The following MYO5B variants were observed in gnomAD, a reference collection of about 807,000 sequenced individuals.
MYO5B encodes myosin VB.
In MYO5B, 143 loss-of-function variants were observed where a neutral mutation model predicts 229.3. That is an observed-to-expected ratio of 0.62 (90% CI 0.54 to 0.72). The LOEUF is 0.72. Among genes scored for constraint, MYO5B ranks in the 30% least tolerant of loss-of-function variants. The probability of loss-of-function intolerance (pLI) is 0.00; values close to 1 mark genes in which losing one functional copy is unlikely to be tolerated. For missense variants in MYO5B, 2,321 were observed against 2,331.0 expected (o/e 1.00, Z 0.09); for synonymous variants, 918 against 885.2 (o/e 1.04, Z -0.66).
intron 1 of MYO5B, among the ~76,000 whole-genome samples, chr18:50,153,713 G>C (rs913472051): frequency 1.3e-5 from 2 of 152,202 alleles, no homozygotes; most frequent in African/African-American, 4.8e-5. Flanking sequence ...GCCTCCCAAA[G>C]TGCTGGGATT....
chr18:49,949,546 C>T (rs149370768), intron 14 of MYO5B, among the ~76,000 whole-genome samples: 1 of 152,248 alleles, frequency 6.6e-6, no homozygotes, highest in African/African-American at 2.4e-5. Flanking sequence ...TTTCACTGCT[C>T]GTAGTGGGAG....
intron 21 of MYO5B, among the ~76,000 whole-genome samples, chr18:49,897,514 G>C (rs745947564): frequency 4.6e-5 from 7 of 152,118 alleles, no homozygotes; most frequent in African/African-American, 7.2e-5. Context: ...AAAATGTTTT[G>C]ATAGATATGC....
At chr18:49,917,129 A>G (rs1280307482) in intron 17 of MYO5B, among the ~76,000 whole-genome samples, 3 of 152,184 alleles carry the variant, frequency 2.0e-5, no homozygotes, top group Admixed American at 6.5e-5. Flanking sequence ...GACAGAGAGC[A>G]TTCCACCTCG....
At chr18:49,960,377 A>G (rs1224298248) in intron 12 of MYO5B, among the ~76,000 whole-genome samples, 1 of 152,186 alleles carries the variant, frequency 6.6e-6, no homozygotes, top group Non-Finnish European at 1.5e-5. Flanking sequence ...CCCAAGGAGC[A>G]CCGCGTTGCC....
At chr18:49,990,576 T>C in intron 6 of MYO5B, 56 bp from the exon 7 acceptor site, 1 of 1,442,394 alleles carries the variant, frequency 6.9e-7, no homozygotes, top group African/African-American at 1.4e-5. Context: ...CATCGTTCCC[T>C]CTGCCACTGT....
chr18:50,155,480 C>CA (rs1380431990), intron 1 of MYO5B, among the ~76,000 whole-genome samples: 1 of 151,908 alleles, frequency 6.6e-6, no homozygotes, highest in Admixed American at 6.6e-5. Flanking sequence ...AGATAAAAAA[C>CA]AAAAAAATCT....
intron 35 of MYO5B, 151 bp downstream of exon 35, chr18:49,841,214 C>T: frequency 1.3e-6 from 1 of 774,724 alleles, no homozygotes; most frequent in Admixed American, 1.8e-5. Flanking sequence ...ATTGCTGCTT[C>T]CAGCCACGAG....
At chr18:49,960,366 T>C (rs2025545009) in intron 12 of MYO5B, among the ~76,000 whole-genome samples, 1 of 152,068 alleles carries the variant, frequency 6.6e-6, no homozygotes, top group Admixed American at 6.5e-5. Context: ...ACAGGATCCT[T>C]CCCAAGGAGC....
chr18:50,007,961 C>A (rs570920594), intron 4 of MYO5B, among the ~76,000 whole-genome samples: 1 of 152,150 alleles, frequency 6.6e-6, no homozygotes, highest in African/African-American at 2.4e-5. Context: ...TAGTGAGACA[C>A]TGAGCCCGGA....
At chr18:50,149,566 G>C (rs74843703) in intron 1 of MYO5B, among the ~76,000 whole-genome samples, 134,081 of 138,104 alleles carry the variant, frequency 0.97, 65,151 homozygotes, top group Non-Finnish European at 0.99. Flanking sequence ...ACAAACCTGA[G>C]AAAAACAAGC....
intron 1 of MYO5B, among the ~76,000 whole-genome samples, chr18:50,158,953 G>A (rs192628088): frequency 4.3e-4 from 66 of 152,228 alleles, no homozygotes; most frequent in African/African-American, 1.3e-3. Context: ...GATGTTTGCC[G>A]TTATCATTAT....
intron 21 of MYO5B, among the ~76,000 whole-genome samples, chr18:49,900,617 T>C (rs909489029): frequency 1.3e-5 from 2 of 152,206 alleles, no homozygotes; most frequent in African/African-American, 4.8e-5. Context: ...TACTGGGTCA[T>C]GAGAAGCTTT....
In MYO5B at chr18:49,963,020, A is replaced by C. The variant is rs757051892; in HGVS notation, c.1333T>G (p.Phe445Val). ...AACTGCTCAAAGCTGTTTACCTCAA[A>C]TGTCTCAAACCTACAGAATGGAAAG... ...GVLDIYGFET[F>V]EVNSFEQFCI... The change falls in exon 11 of 40, where the codon TTT becomes GTT. Residue 445 changes from phenylalanine (F) to valine (V), a missense_variant. This residue lies in a region of MYO5B where 2,113 missense variants were observed against 2,044.7 expected (regional missense o/e 1.03). Transcript: ENST00000285039. 6.2e-7 allele frequency: 1 copy of C among 1,613,882 alleles called. No individual in the cohort carries two copies. The highest frequency in any genetic ancestry group is 1.3e-5 in the African/African-American group (1 of 75,032).
chr18:50,172,151 C>G (rs1354146210), intron 1 of MYO5B, among the ~76,000 whole-genome samples: 1 of 152,104 alleles, frequency 6.6e-6, no homozygotes, highest in East Asian at 1.9e-4. Context: ...CATGGTGGCA[C>G]ACAACTGTAG....
At chr18:50,134,192 T>G (rs1039410555) in intron 1 of MYO5B, among the ~76,000 whole-genome samples, 21 of 152,106 alleles carry the variant, frequency 1.4e-4, no homozygotes, top group Non-Finnish European at 2.8e-4. Flanking sequence ...TCAAATAAAT[T>G]TGTTGTTCAA....
At chr18:49,977,476 C>T (rs2025764477) in intron 9 of MYO5B, among the ~76,000 whole-genome samples, 1 of 152,114 alleles carries the variant, frequency 6.6e-6, no homozygotes, top group Non-Finnish European at 1.5e-5. Flanking sequence ...AGGAATAAAC[C>T]ACAATCAGTG....
At chr18:50,025,286 T>C (rs911716537) in intron 4 of MYO5B, among the ~76,000 whole-genome samples, 3 of 152,196 alleles carry the variant, frequency 2.0e-5, no homozygotes, top group Admixed American at 1.3e-4. Context: ...GATACTAACA[T>C]AGCTGGTCTG....
intron 1 of MYO5B, among the ~76,000 whole-genome samples, chr18:50,094,244 T>C (rs976426664): frequency 2.0e-5 from 3 of 152,190 alleles, no homozygotes; most frequent in African/African-American, 7.2e-5. Flanking sequence ...AGTTACAAAA[T>C]GTTATAGTAT....
chr18:49,913,543 C>T (rs1251333154), intron 17 of MYO5B, among the ~76,000 whole-genome samples: 1 of 152,126 alleles, frequency 6.6e-6, no homozygotes, highest in Non-Finnish European at 1.5e-5. Flanking sequence ...CCACTCTCAT[C>T]TTCCGAGGCA....
Sources: gnomAD v4.1 joint callset for allele counts (sites outside exome capture counted in the v4.1 genomes callset) on GRCh38, gnomAD v4.1.1 for gene constraint, gnomAD v4.1.1 regional missense constraint, MANE v1.5 for transcripts, NCBI Gene and HGNC (gene_info 2026-07-23, HGNC 2026-07-21) for gene names.